The following PACSIN2 variants were observed in gnomAD, a reference collection of about 807,000 sequenced individuals.
The protein encoded by PACSIN2 is protein kinase C and casein kinase substrate in neurons 2.
PACSIN2 carries 25 observed loss-of-function variants against 63.8 expected under a neutral mutation model. The ratio of observed to expected loss-of-function variants is 0.39; its 90% confidence interval spans 0.29 to 0.55. The LOEUF is 0.55. PACSIN2 is among the 20% of genes least tolerant of loss of function. The probability of loss-of-function intolerance (pLI) is 0.62; values close to 1 mark genes in which losing one functional copy is unlikely to be tolerated. For missense variants in PACSIN2, 518 were observed against 646.9 expected, an observed-to-expected ratio of 0.80 and a Z score of 2.16; for synonymous variants, 255 against 256.2, an observed-to-expected ratio of 1.00 and a Z score of 0.05.
At chr22:42,922,980 A>G (rs534840453) in intron 1 of PACSIN2, among the ~76,000 whole-genome samples, 24 of 152,150 alleles carry the variant, frequency 1.6e-4, no homozygotes, top group Non-Finnish European at 3.2e-4. Flanking sequence ...AGTGGGCATG[A>G]GAAGGACAGG....
chr22:42,921,842 G>A (rs748818218), intron 1 of PACSIN2, among the ~76,000 whole-genome samples: 9 of 151,864 alleles, frequency 5.9e-5, no homozygotes, highest in African/African-American at 1.2e-4. Flanking sequence ...GGGTTCAGGC[G>A]ATTCTCCTGC....
At chr22:42,991,277 G>A (rs915982064) in intron 1 of PACSIN2, among the ~76,000 whole-genome samples, 5 of 152,080 alleles carry the variant, frequency 3.3e-5, no homozygotes, top group Non-Finnish European at 5.9e-5. Context: ...TCATAAAGCT[G>A]GTCAAGGACA....
chr22:42,883,672 C>T (rs1178226606), intron 6 of PACSIN2, among the ~76,000 whole-genome samples: 1 of 152,226 alleles, frequency 6.6e-6, no homozygotes, highest in Non-Finnish European at 1.5e-5. Context: ...CAGGCACGAC[C>T]AGCCCAGAAA....
chr22:42,970,807 C>T (rs970451770), intron 1 of PACSIN2, among the ~76,000 whole-genome samples: 9 of 152,150 alleles, frequency 5.9e-5, no homozygotes, highest in Non-Finnish European at 1.3e-4. Context: ...TGCTCCATGG[C>T]AGTGCACCAC....
intron 1 of PACSIN2, among the ~76,000 whole-genome samples, chr22:42,930,480 A>G (rs1932761908): frequency 6.6e-6 from 1 of 152,196 alleles, no homozygotes; most frequent in South Asian, 2.1e-4. Context: ...CTGACCCAAG[A>G]AGTACATGGA....
At chr22:42,999,405 C>A (rs1407846744) in intron 1 of PACSIN2, among the ~76,000 whole-genome samples, 1 of 152,208 alleles carries the variant, frequency 6.6e-6, no homozygotes, top group Non-Finnish European at 1.5e-5. Flanking sequence ...CGTGGTGGCT[C>A]ATGCCTCTAA....
chr22:42,983,489 C>CAAAAAAAAAAAAA (rs775403003), intron 1 of PACSIN2, among the ~76,000 whole-genome samples: 3 of 82,266 alleles, frequency 3.6e-5, no homozygotes, highest in East Asian at 7.0e-4. Flanking sequence ...GACTCCATCT[C>CAAAAAAAAAAAAA]AAAAAAAAAA....
intron 1 of PACSIN2, among the ~76,000 whole-genome samples, chr22:42,942,211 A>T (rs1933202724): frequency 6.7e-6 from 1 of 150,282 alleles, no homozygotes; most frequent in Non-Finnish European, 1.5e-5. Context: ...AAGTAATGGG[A>T]TTACAGATGT....
chr22:42,984,303 C>T, intron 1 of PACSIN2, among the ~76,000 whole-genome samples: 1 of 149,370 alleles, frequency 6.7e-6, no homozygotes. Flanking sequence ...TAAAATTCTT[C>T]CTGCCCTCAA....
rs1199021489 is a variant in PACSIN2 at position 42,891,081 on chromosome 22, C to T, written c.319G>A (p.Asp107Asn). ...HLEVKASLMN[D>N]DFEKIKNWQK... ...CAGTTCTTGATCTTCTCGAAGTCAT[C>T]GTTCATCAGTGAGGCCTTCACCTCG... The change falls in exon 4 of 11, where the codon GAT (aspartate) becomes AAT (asparagine). Residue 107 changes from aspartate to asparagine, a missense_variant. Transcript: ENST00000263246. 4.3e-6 allele frequency: 7 copies of T among 1,614,036 alleles called. No individual in the cohort carries two copies. Among genetic ancestry groups the T allele is most frequent in the African/African-American group, 2.7e-5 (2 of 74,928 alleles).
At chr22:42,930,241 C>A (rs1932758087) in intron 1 of PACSIN2, among the ~76,000 whole-genome samples, 1 of 152,198 alleles carries the variant, frequency 6.6e-6, no homozygotes, top group African/African-American at 2.4e-5. Flanking sequence ...TCTCTTTAAG[C>A]CACTATTATT....
chr22:42,940,428 C>T (rs189352926), intron 1 of PACSIN2, among the ~76,000 whole-genome samples: 26 of 152,284 alleles, frequency 1.7e-4, no homozygotes, highest in African/African-American at 4.3e-4. Context: ...AACAGGAATA[C>T]GGATTACACC....
Position 42,981,298 on chromosome 22 carries a change from G to A in PACSIN2, c.-78+33723C>T, listed in dbSNP as rs1158036890. On this transcript the variant is annotated intron_variant, in intron 1 of 10. Transcript: ENST00000263246. ...AGCCCCTCCGTCCGGCAACCACCCCGTCTGGGAAGTGAGGAGCGTCTCCGC... is the reference window on the plus strand; with the variant it reads ...AGCCCCTCCGTCCGGCAACCACCCCATCTGGGAAGTGAGGAGCGTCTCCGC... Among the ~76,000 whole-genome samples, 746 of 137,942 alleles carry A rather than the reference G, an allele frequency of 5.4e-3. 10 individuals are homozygous for A. The highest frequency in any genetic ancestry group is 0.019 in the African/African-American group (683 of 35,126). 90.5% of individuals were successfully genotyped at this position (137,942 alleles called of 152,430 possible).
intron 1 of PACSIN2, among the ~76,000 whole-genome samples, chr22:42,981,413 C>T (rs1308338705): frequency 1.1e-4 from 15 of 131,854 alleles, no homozygotes; most frequent in African/African-American, 4.2e-4. Context: ...GGCGCCTCTG[C>T]CCGGCCGCCC....
rs529262650 is a variant in PACSIN2, at chr22:42,967,209, C to T, written c.-78+47812G>A. ...GAAGGCTGGACTCTGAGCTGAATCA[C>T]GTAAACAAGGGCCGTGTCCTGCTGC... is the stretch of plus-strand genomic sequence containing the variant. On this transcript the variant is annotated intron_variant, in intron 1 of 10. Transcript: ENST00000263246. 7.2e-5 allele frequency among the ~76,000 whole-genome samples: 11 copies of T among 152,168 alleles called. No homozygotes were observed. The East Asian group carries it at 7.7e-4, about 11-fold the overall frequency.
At chr22:43,013,580 G>A (rs548254542) in intron 1 of PACSIN2, among the ~76,000 whole-genome samples, 16 of 152,182 alleles carry the variant, frequency 1.1e-4, no homozygotes, top group Non-Finnish European at 2.4e-4. Flanking sequence ...AGAACAGGAG[G>A]GCTGGCATTC....
At chr22:42,990,236 C>A (rs1436364606) in intron 1 of PACSIN2, among the ~76,000 whole-genome samples, 2 of 152,060 alleles carry the variant, frequency 1.3e-5, no homozygotes, top group Admixed American at 1.3e-4. Flanking sequence ...CTTGCAATCA[C>A]AGACGGCCAC....
intron 1 of PACSIN2, among the ~76,000 whole-genome samples, chr22:42,918,023 T>C (rs956306071): frequency 5.9e-5 from 9 of 152,220 alleles, no homozygotes; most frequent in African/African-American, 2.2e-4. Flanking sequence ...GCACCAATAT[T>C]ATCCCCACTT....
At chr22:42,917,137 G>A (rs1280944740) in intron 1 of PACSIN2, among the ~76,000 whole-genome samples, 4 of 152,064 alleles carry the variant, frequency 2.6e-5, no homozygotes, top group Non-Finnish European at 5.9e-5. Flanking sequence ...ATGGGGTAGC[G>A]GTTTCGCCAT....
Sources: gnomAD v4.1 joint callset for allele counts (sites outside exome capture counted in the v4.1 genomes callset) on GRCh38, gnomAD v4.1.1 for gene constraint, MANE v1.5 for transcripts, NCBI Gene and HGNC (gene_info 2026-07-23, HGNC 2026-07-21) for gene names.